BANK1: variants seen among roughly 807,000 people sequenced by gnomAD.
The protein encoded by BANK1 is B-cell scaffold protein with ankyrin repeats.
Under a neutral mutation model 94.5 loss-of-function variants are expected in BANK1, and 95 were observed. The observed-to-expected ratio is 1.00, with a 90% CI of 0.85 to 1.19. The LOEUF is 1.19. BANK1 is among the 50% of genes most tolerant of loss of function. The pLI is 0.00. For missense variants in BANK1, 987 were observed against 932.2 expected (o/e 1.06, Z -0.77); for synonymous variants, 334 against 308.4 (o/e 1.08, Z -0.87).
chr4:102,071,209 AAG>A, intron 13 of BANK1, 64 bp from the exon 14 acceptor site: 1 of 1,524,926 alleles, frequency 6.6e-7, no homozygotes, highest in Non-Finnish European at 9.1e-7. Context: ...TTAAAAAAAT[AAG>A]AGAGAGAATT....
intron 9 of BANK1, among the ~76,000 whole-genome samples, chr4:102,026,099 A>C (rs937474856): frequency 2.6e-5 from 4 of 152,182 alleles, no homozygotes; most frequent in Non-Finnish European, 5.9e-5. Flanking sequence ...AAGAAGAGTC[A>C]ACATAGCTAT....
At chr4:102,007,110 T>A (rs1371351977) in intron 7 of BANK1, among the ~76,000 whole-genome samples, 6 of 55,742 alleles carry the variant, frequency 1.1e-4, no homozygotes, top group Non-Finnish European at 2.0e-4. Flanking sequence ...TATATATATA[T>A]AAATATATAT....
intron 1 of BANK1, among the ~76,000 whole-genome samples, chr4:101,799,492 C>T (rs182148039): frequency 6.6e-5 from 10 of 152,296 alleles, no homozygotes; most frequent in Admixed American, 5.2e-4. Context: ...GCTATAAAGA[C>T]ACATGCACAC....
At chr4:102,042,193 T>C (rs1277140249) in intron 10 of BANK1, among the ~76,000 whole-genome samples, 1 of 151,998 alleles carries the variant, frequency 6.6e-6, no homozygotes, top group Non-Finnish European at 1.5e-5. Context: ...CTTTTAAAAC[T>C]AGCAAATAGA....
intron 4 of BANK1, among the ~76,000 whole-genome samples, chr4:101,870,054 A>C (rs2148880772): frequency 6.6e-6 from 1 of 151,862 alleles, no homozygotes; most frequent in Non-Finnish European, 1.5e-5. Context: ...AAATTGTATC[A>C]TTTAAATCAG....
intron 2 of BANK1, among the ~76,000 whole-genome samples, chr4:101,850,503 G>A (rs907469884): frequency 4.6e-5 from 7 of 150,904 alleles, no homozygotes; most frequent in East Asian, 3.9e-4. Flanking sequence ...GGCTGGTCTC[G>A]AACTCTTGAC....
chr4:101,823,897 T>C (rs1726267444), intron 1 of BANK1, among the ~76,000 whole-genome samples: 1 of 152,206 alleles, frequency 6.6e-6, no homozygotes, highest in Admixed American at 6.5e-5. Context: ...TGTATATGCA[T>C]AGAAGAGTCC....
chr4:101,976,758 A>G (rs1725147353), intron 7 of BANK1: 1 of 152,144 alleles, frequency 6.6e-6, no homozygotes, highest in Non-Finnish European at 1.5e-5. Context: ...CTTTAGAACA[A>G]CAATGTTAAG....
At chr4:101,798,394 T>G (rs1578322830) in intron 1 of BANK1, among the ~76,000 whole-genome samples, 1 of 150,670 alleles carries the variant, frequency 6.6e-6, no homozygotes, top group African/African-American at 2.4e-5. Context: ...CAAAGGGGGG[T>G]TTTCTGCTAT....
chr4:101,821,563 C>T (rs1475181012), intron 1 of BANK1, among the ~76,000 whole-genome samples: 1 of 152,098 alleles, frequency 6.6e-6, no homozygotes, highest in East Asian at 1.9e-4. Flanking sequence ...GGTTGTCTTC[C>T]AGGGTTTTTG....
chr4:102,038,296 T>C (rs1251340130), intron 10 of BANK1, among the ~76,000 whole-genome samples: 1 of 152,192 alleles, frequency 6.6e-6, no homozygotes, highest in African/African-American at 2.4e-5. Flanking sequence ...AAGTTACTTT[T>C]GATAATCACT....
chr4:101,960,679 T>C (rs1300929974), intron 7 of BANK1, among the ~76,000 whole-genome samples: 1 of 152,214 alleles, frequency 6.6e-6, no homozygotes, highest in African/African-American at 2.4e-5. Context: ...AGCTTTCTTT[T>C]CGTTGTTTCG....
intron 7 of BANK1, among the ~76,000 whole-genome samples, chr4:101,938,829 G>A (rs1439039523): frequency 6.6e-6 from 1 of 151,492 alleles, no homozygotes; most frequent in Non-Finnish European, 1.5e-5. Flanking sequence ...ATTATACAAA[G>A]CAAATTATCC....
intron 7 of BANK1, among the ~76,000 whole-genome samples, chr4:101,955,824 T>C (rs781720684): frequency 6.6e-6 from 1 of 152,196 alleles, no homozygotes; most frequent in Non-Finnish European, 1.5e-5. Context: ...CCAAGTTCCA[T>C]CAATTAGCCA....
chr4:101,806,434 A>C (rs185101565), intron 1 of BANK1, among the ~76,000 whole-genome samples: 1 of 152,340 alleles, frequency 6.6e-6, no homozygotes, highest in East Asian at 1.9e-4. Flanking sequence ...TAATTAATCT[A>C]CAGAAAGACT....
At chr4:101,906,123 G>C (rs1057242836) in intron 6 of BANK1, among the ~76,000 whole-genome samples, 2 of 152,122 alleles carry the variant, frequency 1.3e-5, no homozygotes, top group African/African-American at 4.8e-5. Context: ...AGTTTTATCT[G>C]CCCATCAAGT....
intron 6 of BANK1, among the ~76,000 whole-genome samples, chr4:101,906,349 G>T (rs185095145): frequency 6.6e-6 from 1 of 152,120 alleles, no homozygotes; most frequent in Non-Finnish European, 1.5e-5. Context: ...TGATCGGGGG[G>T]TATATTCTAA....
intron 2 of BANK1, among the ~76,000 whole-genome samples, chr4:101,852,491 T>TAC (rs1560601750): frequency 8.9e-6 from 1 of 112,592 alleles, no homozygotes; most frequent in East Asian, 2.5e-4. Context: ...TATATATATA[T>TAC]ATATATATAT....
intron 1 of BANK1, among the ~76,000 whole-genome samples, chr4:101,818,757 A>T (rs1578334936): frequency 6.6e-6 from 1 of 152,248 alleles, no homozygotes; most frequent in Non-Finnish European, 1.5e-5. Context: ...TTTATCATAG[A>T]CATACATTTA....
Sources: gnomAD v4.1 joint callset for allele counts (sites outside exome capture counted in the v4.1 genomes callset) on GRCh38, gnomAD v4.1.1 for gene constraint, MANE v1.5 for transcripts, NCBI Gene and HGNC (gene_info 2026-07-23, HGNC 2026-07-21) for gene names.